NFATC3: variants seen among roughly 807,000 people sequenced by gnomAD.
The protein encoded by NFATC3 is nuclear factor of activated T cells 3, also known as nuclear factor of activated T-cells, cytoplasmic 3.
NFATC3 carries 46 observed loss-of-function variants against 98.6 expected under a neutral mutation model. The ratio of observed to expected loss-of-function variants is 0.47; its 90% CI spans 0.37 to 0.60. The LOEUF (loss-of-function observed/expected upper bound fraction) is 0.60. Among genes scored for constraint, NFATC3 ranks in the 20% least tolerant of loss-of-function variants. NFATC3 has a pLI of 0.00. For synonymous variants in NFATC3, 512 were observed against 472.2 expected (o/e 1.08, Z -1.09); for missense variants, 1,256 against 1,295.5 (o/e 0.97, Z 0.47).
At chr16:68,158,658 C>T (rs374406740) in intron 4 of NFATC3, among the ~76,000 whole-genome samples, 1 of 152,100 alleles carries the variant, frequency 6.6e-6, no homozygotes, top group African/African-American at 2.4e-5. Flanking sequence ...GGGCCCCAAG[C>T]AAGTTTTTTC....
Position 68,186,035 on chromosome 16 carries a change from G to A in NFATC3, c.2098+2669G>A, listed in dbSNP as rs116300449. Among the ~76,000 whole-genome samples the A allele has an allele frequency of 8.2e-3, 1,251 of 152,196 alleles. 17 individuals are homozygous for A. The highest frequency in any genetic ancestry group is 0.028 in the African/African-American group (1,170 of 41,532). On this transcript the variant is annotated intron_variant, in intron 8 of 9. Transcript: ENST00000346183. ...TGGGTTGCACTGTAACTCATCACTG[G>A]CCTTATGGTTGATAGATGACAAATC... is the stretch of plus-strand genomic sequence containing the variant.
intron 9 of NFATC3, among the ~76,000 whole-genome samples, chr16:68,224,105 A>C (rs1230098058): frequency 6.9e-6 from 1 of 145,876 alleles, no homozygotes; most frequent in Non-Finnish European, 1.5e-5. Flanking sequence ...AATTAGCCGG[A>C]CACGGTGGCA....
intron 4 of NFATC3, among the ~76,000 whole-genome samples, chr16:68,158,411 G>T (rs2038720497): frequency 6.6e-6 from 1 of 152,044 alleles, no homozygotes; most frequent in African/African-American, 2.4e-5. Context: ...TTTCCTTAAG[G>T]AAAACTTTTG....
intron 2 of NFATC3, among the ~76,000 whole-genome samples, chr16:68,125,428 A>G (rs548996653): frequency 6.6e-6 from 1 of 152,368 alleles, no homozygotes; most frequent in African/African-American, 2.4e-5. Context: ...GTAAAAAAGT[A>G]ACATTTAGAG....
chr16:68,147,227 G>C (rs1261954600), intron 3 of NFATC3, among the ~76,000 whole-genome samples: 2 of 152,128 alleles, frequency 1.3e-5, no homozygotes, highest in Admixed American at 6.5e-5. Flanking sequence ...TAGAGTACTT[G>C]CCAGTATGTT....
At chr16:68,221,381 T>C in intron 9 of NFATC3, 1 of 1,537,630 alleles carries the variant, frequency 6.5e-7, no homozygotes, top group Non-Finnish European at 8.8e-7. Context: ...AAGTTATTGC[T>C]AAAGGTCTGT....
intron 1 of NFATC3, among the ~76,000 whole-genome samples, chr16:68,098,301 T>G (rs1466190875): frequency 2.3e-5 from 2 of 86,086 alleles, no homozygotes; most frequent in Admixed American, 2.1e-4. Flanking sequence ...ATTATTATTA[T>G]TTTTTTTTTT....
intron 8 of NFATC3, among the ~76,000 whole-genome samples, chr16:68,184,903 C>T (rs2040117024): frequency 6.6e-6 from 1 of 152,016 alleles, no homozygotes; most frequent in South Asian, 2.1e-4. Context: ...GCATTGTAGA[C>T]TTGATTGAAG....
intron 1 of NFATC3, among the ~76,000 whole-genome samples, chr16:68,114,816 G>A (rs940060613): frequency 2.0e-5 from 3 of 152,096 alleles, no homozygotes; most frequent in East Asian, 1.9e-4. Context: ...CTCGTGATCC[G>A]CCTGCCTCTG....
At chr16:68,171,887 C>G (rs1051484080) in intron 5 of NFATC3, among the ~76,000 whole-genome samples, 3 of 152,128 alleles carry the variant, frequency 2.0e-5, no homozygotes, top group Non-Finnish European at 4.4e-5. Context: ...CTCCTGGGTT[C>G]AAGTGATTCT....
chr16:68,096,709 GT>G, intron 1 of NFATC3, among the ~76,000 whole-genome samples: 5 of 152,164 alleles, frequency 3.3e-5, no homozygotes, highest in African/African-American at 1.2e-4. Flanking sequence ...AGTTCACCAG[GT>G]GGCTAAGGGA....
chr16:68,192,629 C>T (rs1567543360), intron 9 of NFATC3, among the ~76,000 whole-genome samples: 3 of 152,028 alleles, frequency 2.0e-5, no homozygotes, highest in Non-Finnish European at 2.9e-5. Context: ...AAGGCTGAGG[C>T]GGGTAGATCT....
chr16:68,222,289 CAAAAAAAAAAAAAAAA>C (rs58981935), intron 9 of NFATC3, among the ~76,000 whole-genome samples: 544 of 26,354 alleles, frequency 0.021, 2 homozygotes, highest in African/African-American at 0.045. Context: ...ACCCCATTGC[CAAAAAAAAAAAAAAAA>C]AAAAAAAAAA....
chr16:68,148,766 A>AG (rs1432202916), intron 3 of NFATC3, among the ~76,000 whole-genome samples: 1 of 152,176 alleles, frequency 6.6e-6, no homozygotes, highest in Non-Finnish European at 1.5e-5. Flanking sequence ...CTAGCACCTT[A>AG]GGAGGTTGAG....
At chr16:68,185,974 G>T (rs1028024795) in intron 8 of NFATC3, among the ~76,000 whole-genome samples, 2 of 152,022 alleles carry the variant, frequency 1.3e-5, no homozygotes, top group African/African-American at 4.8e-5. Context: ...ATTTGGGAAT[G>T]GAAATCAGTA....
chr16:68,223,623 G>A (rs755479653), intron 9 of NFATC3, among the ~76,000 whole-genome samples: 21 of 152,140 alleles, frequency 1.4e-4, no homozygotes, highest in Non-Finnish European at 1.8e-4. Context: ...AACACCAGGC[G>A]TGGTGGCTCA....
intron 9 of NFATC3, among the ~76,000 whole-genome samples, chr16:68,208,868 A>AT (rs796376952): frequency 1.6e-4 from 24 of 152,196 alleles, no homozygotes; most frequent in African/African-American, 5.1e-4. Context: ...TAGTGCTAAC[A>AT]TTTTTTTGTC....
intron 9 of NFATC3, among the ~76,000 whole-genome samples, chr16:68,210,764 G>T (rs1471663912): frequency 6.6e-6 from 1 of 151,998 alleles, no homozygotes; most frequent in Non-Finnish European, 1.5e-5. Context: ...TATTCATAAA[G>T]AATATTCTGT....
chr16:68,112,645 C>CCTT (rs1567503218), intron 1 of NFATC3, among the ~76,000 whole-genome samples: 1 of 119,238 alleles, frequency 8.4e-6, no homozygotes, highest in African/African-American at 3.4e-5. Context: ...TTTTCTTTTT[C>CCTT]GTTTTTTTTT....
Sources: gnomAD v4.1 joint callset for allele counts (sites outside exome capture counted in the v4.1 genomes callset) on GRCh38, gnomAD v4.1.1 for gene constraint, MANE v1.5 for transcripts, NCBI Gene and HGNC (gene_info 2026-07-23, HGNC 2026-07-21) for gene names.